The following GRIP1 variants were observed in gnomAD, a reference collection of about 807,000 sequenced individuals.
The protein encoded by GRIP1 is glutamate receptor interacting protein 1, also known as glutamate receptor-interacting protein 1.
GRIP1 carries 45 observed loss-of-function variants against 129.9 expected under a neutral mutation model. That is an observed-to-expected ratio of 0.35 (90% CI 0.27 to 0.44). The LOEUF (loss-of-function observed/expected upper bound fraction) is 0.44. GRIP1 is among the 20% of genes least tolerant of loss of function. The probability of loss-of-function intolerance (pLI) is 1.00; values close to 1 mark genes in which losing one functional copy is unlikely to be tolerated. For synonymous variants in GRIP1, 530 were observed against 520.8 expected (o/e 1.02, Z -0.24); for missense variants, 1,196 against 1,396.8 (o/e 0.86, Z 2.29).
At chr12:66,879,282 A>C (rs941711939) in intron 1 of GRIP1, among the ~76,000 whole-genome samples, 1 of 151,212 alleles carries the variant, frequency 6.6e-6, no homozygotes, top group South Asian at 2.1e-4. Flanking sequence ...GAAAAAAAAA[A>C]GTGGAGGCAA....
At chr12:66,898,903 T>A (rs1300585326) in intron 1 of GRIP1, among the ~76,000 whole-genome samples, 1 of 152,078 alleles carries the variant, frequency 6.6e-6, no homozygotes, top group Non-Finnish European at 1.5e-5. Flanking sequence ...ACAGGAAAGT[T>A]TATGTAAGGC....
chr12:66,780,168 T>C (rs1713888359), intron 1 of GRIP1, among the ~76,000 whole-genome samples: 1 of 152,114 alleles, frequency 6.6e-6, no homozygotes, highest in African/African-American at 2.4e-5. Context: ...CCGGAGATGA[T>C]GTATCTCACA....
At chr12:67,005,650 T>C (rs942153407) in intron 1 of GRIP1, among the ~76,000 whole-genome samples, 3 of 152,232 alleles carry the variant, frequency 2.0e-5, no homozygotes, top group African/African-American at 4.8e-5. Context: ...GCACTTGTCG[T>C]TGCTGAGTGC....
intron 7 of GRIP1, among the ~76,000 whole-genome samples, chr12:66,498,353 G>A (rs931924229): frequency 1.3e-5 from 2 of 152,204 alleles, no homozygotes; most frequent in Non-Finnish European, 2.9e-5. Flanking sequence ...ACAGGCTAAG[G>A]GGAGAAGTAC....
intron 15 of GRIP1, among the ~76,000 whole-genome samples, chr12:66,418,526 T>C (rs1021154400): frequency 3.9e-5 from 6 of 152,108 alleles, no homozygotes; most frequent in African/African-American, 1.4e-4. Flanking sequence ...GATAAAATAT[T>C]TGCAAACTAT....
At chr12:66,619,511 T>G (rs1251216583) in intron 1 of GRIP1, among the ~76,000 whole-genome samples, 1 of 152,052 alleles carries the variant, frequency 6.6e-6, no homozygotes, top group Non-Finnish European at 1.5e-5. Flanking sequence ...CCCACAAAAT[T>G]TGCACTAAAG....
At chr12:67,056,540 A>G (rs898391479) in intron 1 of GRIP1, among the ~76,000 whole-genome samples, 16 of 152,252 alleles carry the variant, frequency 1.1e-4, no homozygotes, top group African/African-American at 3.8e-4. Flanking sequence ...TGACTTTTGC[A>G]TACCAGCCTC....
chr12:66,833,866 A>C (rs192131281), intron 1 of GRIP1, among the ~76,000 whole-genome samples: 2 of 152,306 alleles, frequency 1.3e-5, no homozygotes, highest in Admixed American at 1.3e-4. Flanking sequence ...GCTATTAAAA[A>C]AAAATTTAAA....
rs1224986910 is a variant in GRIP1 at position 66,437,120 on chromosome 12, T to C, written c.1688-4492A>G. On this transcript the variant is annotated intron_variant, in intron 13 of 24. Transcript: ENST00000359742. Reference sequence around the variant, plus strand: ...AGGTCCAAAGGTTTGGGAATTAATATCTGGTTGTAAAACATTTCTGAGGCA... The same window carrying C: ...AGGTCCAAAGGTTTGGGAATTAATACCTGGTTGTAAAACATTTCTGAGGCA... Among the ~76,000 whole-genome samples, 3 of 152,184 alleles carry C rather than the reference T, an allele frequency of 2.0e-5. No homozygotes were observed. In the East Asian group the frequency reaches 5.8e-4, roughly 29 times the overall value.
intron 1 of GRIP1, among the ~76,000 whole-genome samples, chr12:66,946,122 A>G (rs1478320394): frequency 1.3e-5 from 2 of 152,142 alleles, no homozygotes; most frequent in East Asian, 3.9e-4. Flanking sequence ...TTCTTAAAAG[A>G]CCTTTCTATT....
chr12:66,812,160 G>GT (rs1477730428), intron 1 of GRIP1, among the ~76,000 whole-genome samples: 1 of 152,202 alleles, frequency 6.6e-6, no homozygotes, highest in East Asian at 1.9e-4. Context: ...TTGCGATGGA[G>GT]TATCACTCTG....
intron 1 of GRIP1, among the ~76,000 whole-genome samples, chr12:66,954,355 A>G (rs527958432): frequency 3.9e-5 from 6 of 152,308 alleles, no homozygotes; most frequent in African/African-American, 1.4e-4. Context: ...AATGAGTATC[A>G]AACTCTTTTA....
chr12:66,680,718 C>T (rs1440080204), upstream of GRIP1, among the ~76,000 whole-genome samples: 2 of 152,116 alleles, frequency 1.3e-5, no homozygotes, highest in Non-Finnish European at 2.9e-5. Context: ...ACAGTTAGCT[C>T]TTTCCAAGAT....
intron 1 of GRIP1, among the ~76,000 whole-genome samples, chr12:66,751,876 G>A (rs574213906): frequency 1.3e-5 from 2 of 152,298 alleles, no homozygotes; most frequent in African/African-American, 2.4e-5. Context: ...TCTACATTAT[G>A]ATCCAATGGT....
At chr12:67,046,955 G>A (rs567954686) in intron 1 of GRIP1, among the ~76,000 whole-genome samples, 13 of 152,192 alleles carry the variant, frequency 8.5e-5, no homozygotes, top group African/African-American at 2.9e-4. Flanking sequence ...ATGAGAAGTC[G>A]AAAGGATTTC....
chr12:66,987,107 T>G (rs1348768804), intron 1 of GRIP1, among the ~76,000 whole-genome samples: 2 of 152,052 alleles, frequency 1.3e-5, no homozygotes, highest in Non-Finnish European at 2.9e-5. Flanking sequence ...GCTGAACTCC[T>G]GGAGCTTTCT....
chr12:67,029,098 C>T (rs915617112), intron 1 of GRIP1, among the ~76,000 whole-genome samples: 39 of 151,930 alleles, frequency 2.6e-4, no homozygotes, highest in Middle Eastern at 3.2e-3. Context: ...GTGAGACTGT[C>T]TCTACAAAAA....
intron 1 of GRIP1, among the ~76,000 whole-genome samples, chr12:66,795,196 T>C (rs1280580198): frequency 6.6e-6 from 1 of 152,212 alleles, no homozygotes; most frequent in East Asian, 1.9e-4. Context: ...TGTAAAACTT[T>C]CCACTACAGC....
chr12:66,697,736 G>A (rs1302442880), intron 1 of GRIP1, among the ~76,000 whole-genome samples: 2 of 152,182 alleles, frequency 1.3e-5, no homozygotes. Context: ...AATTCCAGGA[G>A]AGAAGGTGTA....
Sources: allele counts gnomAD v4.1 joint callset (sites outside exome capture counted in the v4.1 genomes callset), GRCh38; gene constraint gnomAD v4.1.1; transcripts MANE v1.5; gene names NCBI Gene and HGNC (gene_info 2026-07-23, HGNC 2026-07-21).